The following HECW1 variants were observed in gnomAD, a reference collection of about 807,000 sequenced individuals.
HECW1 encodes the protein E3 ubiquitin-protein ligase HECW1.
In HECW1, 61 loss-of-function variants were observed where a neutral mutation model predicts 182.3. The observed-to-expected ratio is 0.33, with a 90% CI of 0.27 to 0.41. HECW1 has a LOEUF of 0.41. Ranked by LOEUF, HECW1 falls within the 10% of genes least tolerant of loss-of-function variation. HECW1 has a pLI of 1.00. For missense variants in HECW1, 1,739 were observed against 2,108.9 expected, an observed-to-expected ratio of 0.82 and a Z score of 3.44; for synonymous variants, 859 against 832.6, an observed-to-expected ratio of 1.03 and a Z score of -0.55.
At chr7:43,250,672 C>T (rs192166295) in intron 3 of HECW1, among the ~76,000 whole-genome samples, 178 of 152,288 alleles carry the variant, frequency 1.2e-3, no homozygotes, top group Non-Finnish European at 2.0e-3. Flanking sequence ...TCTGAACTTG[C>T]GTAAAAAAAT....
At chr7:43,332,597 G>A (rs570088068) in intron 5 of HECW1, among the ~76,000 whole-genome samples, 30 of 152,294 alleles carry the variant, frequency 2.0e-4, no homozygotes, top group Non-Finnish European at 3.7e-4. Flanking sequence ...TGATCACCAC[G>A]GTGTCCAATT....
At chr7:43,543,900 A>T (rs977166169) in intron 26 of HECW1, among the ~76,000 whole-genome samples, 4 of 152,126 alleles carry the variant, frequency 2.6e-5, no homozygotes, top group Admixed American at 6.5e-5. Flanking sequence ...CCCATCTTTC[A>T]CATATGCCCT....
chr7:43,274,664 CGA>C (rs1348262783), intron 3 of HECW1: 11 of 269,998 alleles, frequency 4.1e-5, no homozygotes, highest in East Asian at 2.2e-4. Context: ...AGAGAGAGAG[CGA>C]GAGAGAGCGC....
At chr7:43,366,337 A>G (rs1426695535) in intron 6 of HECW1, among the ~76,000 whole-genome samples, 1 of 152,156 alleles carries the variant, frequency 6.6e-6, no homozygotes, top group Non-Finnish European at 1.5e-5. Context: ...TGGACAAATA[A>G]TTGATAAATA....
chr7:43,483,547 C>CTTTTTTTTTTTTTTT (rs549214390), intron 17 of HECW1, among the ~76,000 whole-genome samples: 1 of 119,048 alleles, frequency 8.4e-6, no homozygotes, highest in Non-Finnish European at 1.7e-5. Context: ...CATGCAAACT[C>CTTTTTTTTTTTTTTT]TTTTTTTTTT....
chr7:43,407,816 T>A, intron 8 of HECW1, 85 bp downstream of exon 8: 1 of 1,224,048 alleles, frequency 8.2e-7, no homozygotes, highest in South Asian at 1.4e-5. Flanking sequence ...CCTCCATTCA[T>A]GGAGCCCTGG....
At position 43,112,714 on chromosome 7, in the gene HECW1, A is replaced by G. The variant is rs1784713994; in HGVS notation, c.-490A>G. On this transcript the variant is annotated 5_prime_UTR_variant, in exon 1 of 30. Coordinates refer to ENST00000395891, the MANE Select transcript of HECW1 (RefSeq NM_015052.5). ...GACCGAACCGGCCCCCTCCTCGCGC[A>G]CACACTCGCCGAGCCGCGCGCGCCC... 1 of 230,736 alleles carries G rather than the reference A, an allele frequency of 4.3e-6. No individual in the cohort carries two copies. The highest frequency in any genetic ancestry group is 2.2e-5 in the African/African-American group (1 of 45,224). 14.3% of individuals were successfully genotyped at this position (230,736 alleles called of 1,614,324 possible). A position where few individuals can be genotyped will look rare whatever the true frequency, so the allele number is the denominator to read the frequency against.
intron 5 of HECW1, among the ~76,000 whole-genome samples, chr7:43,332,772 C>T (rs78092192): frequency 0.051 from 7,713 of 152,278 alleles, 313 homozygotes; most frequent in East Asian, 0.22. Context: ...ACTAATAATA[C>T]CAGCAGCTAA....
intron 2 of HECW1, among the ~76,000 whole-genome samples, chr7:43,139,538 T>A (rs2152630838): frequency 6.6e-6 from 1 of 152,168 alleles, no homozygotes; most frequent in South Asian, 2.1e-4. Flanking sequence ...TCTATAACAT[T>A]TAGTATTTTA....
At chr7:43,119,382 G>T (rs577207923) in intron 2 of HECW1, among the ~76,000 whole-genome samples, 1 of 152,170 alleles carries the variant, frequency 6.6e-6, no homozygotes, top group Non-Finnish European at 1.5e-5. Flanking sequence ...TGGTGTTCCC[G>T]CAGCCTCTCT....
At chr7:43,417,325 C>T (rs1224515278) in intron 8 of HECW1, among the ~76,000 whole-genome samples, 2 of 152,218 alleles carry the variant, frequency 1.3e-5, no homozygotes, top group Non-Finnish European at 2.9e-5. Context: ...GCTGAGATTA[C>T]AGGCATGAGC....
intron 2 of HECW1, among the ~76,000 whole-genome samples, chr7:43,165,404 G>GGA (rs138471994): frequency 0.026 from 3,964 of 151,434 alleles, 188 homozygotes; most frequent in African/African-American, 0.091. Context: ...TGGCGGGGGG[G>GGA]GGTGTTTGTG....
chr7:43,313,563 C>G (rs1171377056), intron 4 of HECW1, among the ~76,000 whole-genome samples: 1 of 152,120 alleles, frequency 6.6e-6, no homozygotes, highest in African/African-American at 2.4e-5. Flanking sequence ...TCTCGAACTC[C>G]CGACCTCAGG....
chr7:43,309,780 A>G (rs1208315495), intron 3 of HECW1, among the ~76,000 whole-genome samples: 1 of 152,214 alleles, frequency 6.6e-6, no homozygotes, highest in Non-Finnish European at 1.5e-5. Flanking sequence ...CAAGTTCATA[A>G]GAGTGAGGAC....
At chr7:43,476,794 G>C (rs898849570) in intron 16 of HECW1, among the ~76,000 whole-genome samples, 1 of 152,100 alleles carries the variant, frequency 6.6e-6, no homozygotes, top group Non-Finnish European at 1.5e-5. Flanking sequence ...GAAAGGTAAA[G>C]ATTTAGTGTT....
At chr7:43,316,453 A>G (rs1296259447) in intron 4 of HECW1, among the ~76,000 whole-genome samples, 3 of 152,188 alleles carry the variant, frequency 2.0e-5, no homozygotes, top group African/African-American at 7.2e-5. Flanking sequence ...GATGTTGGAC[A>G]CTGGTCTAAG....
At chr7:43,331,987 T>G (rs1350137332) in intron 5 of HECW1, among the ~76,000 whole-genome samples, 4 of 152,134 alleles carry the variant, frequency 2.6e-5, no homozygotes, top group African/African-American at 9.7e-5. Flanking sequence ...TAGAAGCTCT[T>G]GACTGGCTAG....
At chr7:43,245,737 A>G (rs1188439680) in intron 3 of HECW1, 1 of 152,246 alleles carries the variant, frequency 6.6e-6, no homozygotes, top group Non-Finnish European at 1.5e-5. Flanking sequence ...GATGCTGTCA[A>G]GGACTTAGCT....
intron 2 of HECW1, among the ~76,000 whole-genome samples, chr7:43,144,492 G>T (rs1048919465): frequency 6.6e-6 from 1 of 152,148 alleles, no homozygotes; most frequent in African/African-American, 2.4e-5. Context: ...AGGGAGATTG[G>T]ACTCTTCTCC....
Sources: allele counts gnomAD v4.1 joint callset (sites outside exome capture counted in the v4.1 genomes callset), GRCh38; gene constraint gnomAD v4.1.1; transcripts MANE v1.5; gene names NCBI Gene and HGNC (gene_info 2026-07-23, HGNC 2026-07-21).